Variants in C20orf202 observed in about 807,000 individuals in gnomAD.
The protein encoded by C20orf202 is uncharacterized protein C20orf202.
Under a neutral mutation model 5.3 loss-of-function variants are expected in C20orf202, and 5 were observed. The observed-to-expected ratio is 0.94, with a 90% CI of 0.49 to 1.98. The LOEUF (loss-of-function observed/expected upper bound fraction) is 1.98. Ranked by LOEUF, C20orf202 falls within the 30% of genes most tolerant of loss-of-function variation. C20orf202 has a pLI of 0.01. For missense variants in C20orf202, 135 were observed against 123.5 expected, an observed-to-expected ratio of 1.09 and a Z score of -0.44; for synonymous variants, 48 against 50.0, an observed-to-expected ratio of 0.96 and a Z score of 0.16.
Position 1,207,742 on chromosome 20 carries a change from C to T in C20orf202, c.*640C>T, listed in dbSNP as rs203556. ...ACCTGGAAGCTCTTTCTATTACACTCAGGCTGAGGCTGCTGGTGGCCATGT... is the reference window on the plus strand; with the variant it reads ...ACCTGGAAGCTCTTTCTATTACACTTAGGCTGAGGCTGCTGGTGGCCATGT... On this transcript the variant is annotated 3_prime_UTR_variant, in exon 2 of 2. Transcript: ENST00000400633. 0.54 allele frequency: 82,576 copies of T among 152,128 alleles called. 24,220 individuals are homozygous for T. Among genetic ancestry groups the T allele is most frequent in the African/African-American group, 0.78 (32,376 of 41,508 alleles). The allele number at this position is 152,128 out of a possible 1,614,324, so 9.4% of individuals were successfully genotyped here. A position where few individuals can be genotyped will look rare whatever the true frequency, so the allele number is the denominator to read the frequency against.
chr20:1,206,816 G>C, intron 1 of C20orf202, 53 bp from the exon 2 acceptor site: 1 of 1,267,348 alleles, frequency 7.9e-7, no homozygotes, highest in Non-Finnish European at 1.1e-6. Context: ...GGGCTTGATG[G>C]GGAAACATCC....
chr20:1,203,721 C>T, intron 1 of C20orf202, 70 bp downstream of exon 1: 2 of 1,485,372 alleles, frequency 1.3e-6, no homozygotes, highest in Admixed American at 2.3e-5. Context: ...GTTTTCCTTC[C>T]CGGGTCCCCC....
chr20:1,207,431 TAAAAC>T lies in C20orf202; in HGVS notation c.*333_*337del, dbSNP rs1273410840. On this transcript the variant is annotated 3_prime_UTR_variant, in exon 2 of 2. Transcript: ENST00000400633. Reference sequence around the variant, plus strand: ...TGGGAATTTTTCACAAGGCAATTGTTAAAACAAAGAACTAGATGTGCAGTAATGGT... The same window carrying T: ...TGGGAATTTTTCACAAGGCAATTGTTAAAGAACTAGATGTGCAGTAATGGT... The T allele has an allele frequency of 1.4e-5, 3 of 219,466 alleles. No homozygotes were observed. The highest frequency in any genetic ancestry group is 8.9e-5 in the East Asian group (1 of 11,264). The allele number at this position is 219,466 out of a possible 1,614,324, so 13.6% of individuals were successfully genotyped here.
chr20:1,204,236 G>A (rs2087122406), intron 1 of C20orf202, among the ~76,000 whole-genome samples: 1 of 152,088 alleles, frequency 6.6e-6, no homozygotes, highest in Non-Finnish European at 1.5e-5. Context: ...GGCAGCAGAG[G>A]CCAATGCTAT....
chr20:1,205,039 C>T (rs2087125648), intron 1 of C20orf202, among the ~76,000 whole-genome samples: 1 of 151,874 alleles, frequency 6.6e-6, no homozygotes, highest in African/African-American at 2.4e-5. Context: ...CAGGACCACT[C>T]GCTCTGCAGC....
rs547588156 is a variant in C20orf202, at chr20:1,208,317, A to G, written c.*1215A>G. On this transcript the variant is annotated 3_prime_UTR_variant, in exon 2 of 2. Transcript: ENST00000400633. Reference sequence around the variant, plus strand: ...TAGCCCTTTTTGTTTTTGAAAATCTACCTGTATGTTGCTAGAACATTGTTT... The same window carrying G: ...TAGCCCTTTTTGTTTTTGAAAATCTGCCTGTATGTTGCTAGAACATTGTTT... The G allele has an allele frequency of 6.6e-6, 1 of 152,340 alleles. No individual in the cohort carries two copies. The highest frequency in any genetic ancestry group is 2.4e-5 in the African/African-American group (1 of 41,580). 9.4% of individuals were successfully genotyped at this position (152,340 alleles called of 1,614,324 possible). A position where few individuals can be genotyped will look rare whatever the true frequency, so the allele number is the denominator to read the frequency against.
chr20:1,203,830 AGGTC>A (rs2087120908), intron 1 of C20orf202, among the ~76,000 whole-genome samples, 179 bp downstream of exon 1: 1 of 152,156 alleles, frequency 6.6e-6, no homozygotes, highest in African/African-American at 2.4e-5. Context: ...AGGGATAAGT[AGGTC>A]GTGGCCTATA....
intron 1 of C20orf202, among the ~76,000 whole-genome samples, chr20:1,206,255 G>A (rs925589605): frequency 5.3e-5 from 8 of 152,058 alleles, no homozygotes; most frequent in South Asian, 2.1e-4. Context: ...TTTTGTTTAC[G>A]TGAGTTATAT....
rs967500587 is a variant in C20orf202, at chr20:1,208,941, T to C, written c.*1839T>C. On this transcript the variant is annotated 3_prime_UTR_variant, in exon 2 of 2. Coordinates refer to ENST00000400633, the MANE Select transcript of C20orf202 (RefSeq NM_001394958.1). ...TTTGATAGTTTCTGCCTCTTTTCTT[T>C]GTTCCCTCAGCCCTGGAGATGGCAG... 6.6e-6 allele frequency among the ~76,000 whole-genome samples: 1 copy of C among 152,226 alleles called. No individual in the cohort carries two copies. The highest frequency in any genetic ancestry group is 1.5e-5 in the Non-Finnish European group (1 of 68,036).
At position 1,206,983 on chromosome 20, in the gene C20orf202, G is replaced by A. The variant is rs78087104; in HGVS notation, c.181G>A (p.Gly61Arg). The A allele has an allele frequency of 8.1e-4, 1,260 of 1,551,710 alleles. 14 individuals are homozygous for A. In the African/African-American group the frequency reaches 0.015, roughly 19 times the overall value. Residue 61 changes from glycine (G) to arginine (R), a missense_variant, in exon 2 of 2, where the codon GGG becomes AGG. Gly to Arg is a moderately radical substitution (Grantham distance 125). Coordinates refer to ENST00000400633, the MANE Select transcript of C20orf202 (RefSeq NM_001394958.1). ...CTGGGAGGACGCCAGGTCCAGCGGA[G>A]GGACATCCCCCATCAGAGCTCGAGC... ...AHWEDARSSG[G>R]TSPIRARAGS...
In C20orf202 at chr20:1,206,978, G is replaced by A; in HGVS notation, c.176G>A (p.Ser59Asn). The change falls in exon 2 of 2, where the codon AGC (serine) becomes AAC (asparagine). Residue 59 changes from serine (S) to asparagine (N), a missense_variant. Ser to Asn is a conservative substitution (Grantham distance 46). Transcript: ENST00000400633. ...GCCCACTGGGAGGACGCCAGGTCCA[G>A]CGGAGGGACATCCCCCATCAGAGCT... ...DSAHWEDARS[S>N]GGTSPIRARA... 1 of 1,551,716 alleles carries A rather than the reference G, an allele frequency of 6.4e-7. No individual in the cohort carries two copies. The highest frequency in any genetic ancestry group is 8.7e-7 in the Non-Finnish European group (1 of 1,146,938).
Position 1,206,932 on chromosome 20 carries a change from G to C in C20orf202, c.130G>C (p.Glu44Gln). The part of the protein sequence containing the change: ...LTLRHLHSVL[E>Q]ELRADSAHWE... ...ACTGAGGCATCTTCACAGTGTCCTG[G>C]AGGAGCTGCGTGCGGACAGCGCCCA... Residue 44 changes from glutamate to glutamine, a missense_variant, in exon 2 of 2, where the codon GAG (glutamate) becomes CAG (glutamine). Coordinates refer to ENST00000400633, the MANE Select transcript of C20orf202 (RefSeq NM_001394958.1). The C allele has an allele frequency of 6.4e-7, 1 of 1,551,602 alleles. No homozygotes were observed. The highest frequency in any genetic ancestry group is 1.2e-5 in the South Asian group (1 of 84,044).
In C20orf202 at chr20:1,206,952, C is replaced by T. The variant is rs2087134382; in HGVS notation, c.150C>T (p.Ser50=). The T allele has an allele frequency of 5.2e-6, 8 of 1,551,642 alleles. No individual in the cohort carries two copies. In the East Asian group the frequency reaches 2.0e-4, roughly 38 times the overall value. ...TCCTGGAGGAGCTGCGTGCGGACAG[C>T]GCCCACTGGGAGGACGCCAGGTCCA... ...HSVLEELRAD[S]AHWEDARSSG... Residue 50 remains serine (S), a synonymous_variant, in exon 2 of 2, where the codon AGC becomes AGT. Coordinates refer to ENST00000400633, the MANE Select transcript of C20orf202 (RefSeq NM_001394958.1).
Position 1,203,476 on chromosome 20 carries a change from A to G in C20orf202, c.-110A>G. The G allele has an allele frequency of 6.7e-7, 1 of 1,503,370 alleles. No homozygotes were observed. Among genetic ancestry groups the G allele is most frequent in the Non-Finnish European group, 8.9e-7 (1 of 1,124,576 alleles). 93.1% of individuals were successfully genotyped at this position (1,503,370 alleles called of 1,614,324 possible). A position where few individuals can be genotyped will look rare whatever the true frequency, so the allele number is the denominator to read the frequency against. On this transcript the variant is annotated 5_prime_UTR_variant, in exon 1 of 2. Coordinates refer to ENST00000400633, the MANE Select transcript of C20orf202 (RefSeq NM_001394958.1). ...GCTCTCATTAACTCCATCTTCAGTG[A>G]TTTGGCCAGAACCTGCTGCCAGTCT... is the stretch of plus-strand genomic sequence containing the variant.
Position 1,205,814 on chromosome 20 carries a change from G to A in C20orf202, c.67-1055G>A, listed in dbSNP as rs545427485. ...ATTTTAACATTTTTAAAGAGAAAGC[G>A]AACTTTGGGAGCTGAGTTGAGAGGA... On this transcript the variant is annotated intron_variant, in intron 1 of 1. Coordinates refer to ENST00000400633, the MANE Select transcript of C20orf202 (RefSeq NM_001394958.1). 1.8e-4 allele frequency among the ~76,000 whole-genome samples: 27 copies of A among 152,266 alleles called. 1 individual carries two copies. The East Asian group carries it at 2.7e-3, about 15-fold the overall frequency.
In C20orf202 at chr20:1,203,572, C is replaced by G; in HGVS notation, c.-14C>G. 6.4e-7 allele frequency: 1 copy of G among 1,551,632 alleles called. No individual in the cohort carries two copies. The highest frequency in any genetic ancestry group is 1.4e-5 in the African/African-American group (1 of 73,138). On this transcript the variant is annotated 5_prime_UTR_variant, in exon 1 of 2. Transcript: ENST00000400633. ...AACCAGGTCAGTGTCAAGGTCACTC[C>G]TAAGAACACTGAGATGAAAATAGCA...
chr20:1,207,725 G>C lies in C20orf202; in HGVS notation c.*623G>C, dbSNP rs940968223. The C allele has an allele frequency of 3.9e-5, 6 of 152,228 alleles. No homozygotes were observed. Among genetic ancestry groups the C allele is most frequent in the Admixed American group, 1.3e-4 (2 of 15,288 alleles). The allele number at this position is 152,228 out of a possible 1,614,324, so 9.4% of individuals were successfully genotyped here. A position where few individuals can be genotyped will look rare whatever the true frequency, so the allele number is the denominator to read the frequency against. On this transcript the variant is annotated 3_prime_UTR_variant, in exon 2 of 2. Transcript: ENST00000400633. ...CCTTCCCTGAGATTGCTACCTGGAA[G>C]CTCTTTCTATTACACTCAGGCTGAG...
At chr20:1,204,989 C>T (rs2087125470) in intron 1 of C20orf202, among the ~76,000 whole-genome samples, 1 of 152,106 alleles carries the variant, frequency 6.6e-6, no homozygotes, top group Non-Finnish European at 1.5e-5. Context: ...CGAGAAAACA[C>T]AGAGTGAATG....
chr20:1,203,674 C>T, intron 1 of C20orf202, 23 bp downstream of exon 1: 1 of 1,529,234 alleles, frequency 6.5e-7, no homozygotes, highest in Non-Finnish European at 8.8e-7. Context: ...ATTGCTTTTC[C>T]TTGATGCCCC....
Sources: allele counts gnomAD v4.1 joint callset (sites outside exome capture counted in the v4.1 genomes callset), GRCh38; gene constraint gnomAD v4.1.1; transcripts MANE v1.5; gene names NCBI Gene and HGNC (gene_info 2026-07-23, HGNC 2026-07-21).